Variants in PCLO observed in about 807,000 individuals in gnomAD.
The protein encoded by PCLO is piccolo presynaptic cytomatrix protein.
A neutral mutation model predicts 427.5 loss-of-function variants in PCLO; 82 were observed. The ratio of observed to expected loss-of-function variants is 0.19; its 90% CI spans 0.16 to 0.23. The LOEUF (loss-of-function observed/expected upper bound fraction) is 0.23, where lower values mean the gene tolerates loss of function less well. PCLO is among the 10% of genes least tolerant of loss of function. PCLO has a pLI of 1.00. For synonymous variants in PCLO, 2,357 were observed against 2,155.4 expected, an observed-to-expected ratio of 1.09 and a Z score of -2.59; for missense variants, 6,239 against 6,115.9, an observed-to-expected ratio of 1.02 and a Z score of -0.67.
intron 3 of PCLO, among the ~76,000 whole-genome samples, chr7:83,004,783 T>G (rs1436779295): frequency 6.6e-6 from 1 of 151,474 alleles, no homozygotes; most frequent in East Asian, 1.9e-4. Flanking sequence ...TCTGATAAAG[T>G]GCTAATATCC....
intron 10 of PCLO, among the ~76,000 whole-genome samples, chr7:82,877,052 G>A (rs1025970588): frequency 3.9e-5 from 6 of 151,974 alleles, no homozygotes; most frequent in African/African-American, 1.4e-4. Flanking sequence ...AAATAAGAAG[G>A]ATTTAGTAGC....
Position 82,953,627 on chromosome 7 carries a change from CTTT to C in PCLO, c.7323_7325del (p.Lys2442del). ...TAGTCACTGGAGATGCAACTGTTAA[CTTT>C]TTTTTAGGAAGAATAGTTGGTTTAG... On this transcript the variant is annotated inframe_deletion, in exon 5 of 25. Coordinates refer to ENST00000333891, the MANE Select transcript of PCLO (RefSeq NM_033026.6). 4 of 1,534,260 alleles carry C rather than the reference CTTT, an allele frequency of 2.6e-6. No homozygotes were observed. The highest frequency in any genetic ancestry group is 3.5e-6 in the Non-Finnish European group (4 of 1,132,536).
At chr7:82,970,112 T>C (rs1365008501) in intron 3 of PCLO, among the ~76,000 whole-genome samples, 1 of 152,006 alleles carries the variant, frequency 6.6e-6, no homozygotes, top group Non-Finnish European at 1.5e-5. Context: ...TCATATAACA[T>C]ATGCCTGCAA....
intron 10 of PCLO, among the ~76,000 whole-genome samples, chr7:82,878,018 G>C (rs1376405085): frequency 5.9e-5 from 9 of 152,194 alleles, no homozygotes; most frequent in Non-Finnish European, 1.3e-4. Context: ...GTGATGTGCT[G>C]GTAAGCTGGC....
intron 1 of PCLO, among the ~76,000 whole-genome samples, chr7:83,159,869 G>A (rs1792389675): frequency 6.6e-6 from 1 of 152,126 alleles, no homozygotes; most frequent in African/African-American, 2.4e-5. Flanking sequence ...GGGACTAAGA[G>A]AAGCAAAGTG....
chr7:82,956,341 T>C lies in PCLO; in HGVS notation c.4612A>G (p.Ser1538Gly), dbSNP rs756743001. The C allele has an allele frequency of 5.0e-6, 8 of 1,612,834 alleles. No homozygotes were observed. The South Asian group carries it at 7.7e-5, about 15-fold the overall frequency. ...CTGTCTTCCTGTTTATACTCATCAC[T>C]GCTTGATGAGCCAACACTAGTTCTT... ...KRRTSVGSSS[S>G]DEYKQEDSQG... The change falls in exon 5 of 25, where the codon AGT becomes GGT. Residue 1538 changes from serine (S) to glycine (G), a missense_variant. Physicochemically the swap from Ser to Gly is moderately conservative, Grantham distance 56 (BLOSUM62 0). This residue lies in a region of PCLO where 4,677 missense variants were observed against 4,468.4 expected (regional missense o/e 1.05). Coordinates refer to ENST00000333891, the MANE Select transcript of PCLO (RefSeq NM_033026.6).
chr7:83,157,565 T>C (rs955516324), intron 1 of PCLO, among the ~76,000 whole-genome samples: 1 of 151,788 alleles, frequency 6.6e-6, no homozygotes, highest in Admixed American at 6.6e-5. Context: ...TTTAAATGAC[T>C]ATGGTTAAAT....
intron 6 of PCLO, among the ~76,000 whole-genome samples, chr7:82,925,713 C>CTTTTTTTTTTTTT (rs34017885): frequency 2.5e-5 from 2 of 79,012 alleles, no homozygotes; most frequent in East Asian, 3.8e-4. Context: ...ATTTTTGTTG[C>CTTTTTTTTTTTTT]TTTTTTTTTT....
rs1474441201 is a variant in PCLO, at chr7:83,124,257, C to A, written c.3300+9993G>T. Among the ~76,000 whole-genome samples the A allele has an allele frequency of 2.0e-5, 3 of 150,278 alleles. 1 individual carries two copies. The highest frequency in any genetic ancestry group is 1.5e-5 in the Non-Finnish European group (1 of 67,810). On this transcript the variant is annotated intron_variant, in intron 3 of 24. Coordinates refer to ENST00000333891, the MANE Select transcript of PCLO (RefSeq NM_033026.6). ...GCGTGAACCAGGAAGGCGGAGCTTG[C>A]AGTGAGCCGAGATAGCGCCACTGCA...
At chr7:82,823,542 ATGT>A (rs1409443551) in intron 19 of PCLO, among the ~76,000 whole-genome samples, 7 of 152,192 alleles carry the variant, frequency 4.6e-5, no homozygotes, top group Non-Finnish European at 7.3e-5. Flanking sequence ...ATGAGGATTA[ATGT>A]TGTGTTGTAG....
At chr7:83,156,517 C>A (rs1417433370) in intron 1 of PCLO, 125 bp from the exon 2 acceptor site, 3 of 576,958 alleles carry the variant, frequency 5.2e-6, no homozygotes, top group East Asian at 2.8e-5. Context: ...ATAACTAGAA[C>A]CCATTTTTGT....
chr7:82,844,661 A>C (rs934402880), intron 13 of PCLO, among the ~76,000 whole-genome samples: 1 of 152,146 alleles, frequency 6.6e-6, no homozygotes. Context: ...GGGAAATCAT[A>C]AATTTTGTAT....
At chr7:83,079,058 T>G (rs2116389360) in intron 3 of PCLO, among the ~76,000 whole-genome samples, 1 of 152,242 alleles carries the variant, frequency 6.6e-6, no homozygotes, top group South Asian at 2.1e-4. Context: ...AAATTTATAA[T>G]AAATAACATT....
intron 22 of PCLO, among the ~76,000 whole-genome samples, chr7:82,798,634 A>T (rs1399619045): frequency 6.6e-6 from 1 of 152,156 alleles, no homozygotes; most frequent in Non-Finnish European, 1.5e-5. Flanking sequence ...ATTCTTTCTA[A>T]TTTAAAATTG....
intron 3 of PCLO, among the ~76,000 whole-genome samples, chr7:82,986,153 CA>C (rs1796250862): frequency 6.6e-6 from 1 of 151,770 alleles, no homozygotes; most frequent in African/African-American, 2.4e-5. Flanking sequence ...TGAGAAAAAA[CA>C]TAAGAATTCT....
intron 9 of PCLO, among the ~76,000 whole-genome samples, chr7:82,897,523 T>G (rs1793934831): frequency 6.6e-6 from 1 of 151,454 alleles, no homozygotes; most frequent in Non-Finnish European, 1.5e-5. Context: ...AACAATGAAT[T>G]TATAAATTCC....
intron 3 of PCLO, among the ~76,000 whole-genome samples, chr7:83,095,685 T>C (rs1431360165): frequency 6.6e-6 from 1 of 152,054 alleles, no homozygotes; most frequent in Non-Finnish European, 1.5e-5. Context: ...TGTTAACTCA[T>C]GGATTATTTG....
At chr7:82,906,358 A>T (rs1315821686) in intron 8 of PCLO, among the ~76,000 whole-genome samples, 1 of 152,030 alleles carries the variant, frequency 6.6e-6, no homozygotes, top group African/African-American at 2.4e-5. Flanking sequence ...ATTAGTACCA[A>T]GAGCTCAATA....
intron 3 of PCLO, among the ~76,000 whole-genome samples, chr7:82,997,474 TTAAA>T (rs1158328179): frequency 6.6e-6 from 1 of 152,026 alleles, no homozygotes; most frequent in African/African-American, 2.4e-5. Flanking sequence ...CTGTCAAATC[TTAAA>T]TAAGTTTTTC....
Sources: allele counts gnomAD v4.1 joint callset (sites outside exome capture counted in the v4.1 genomes callset), GRCh38; gene constraint gnomAD v4.1.1; regional missense constraint gnomAD v4.1.1; transcripts MANE v1.5; gene names NCBI Gene and HGNC (gene_info 2026-07-23, HGNC 2026-07-21).